RSPH3: variants seen among roughly 807,000 people sequenced by gnomAD.
RSPH3 encodes the protein radial spoke head protein 3 homolog.
A neutral mutation model predicts 43.8 loss-of-function variants in RSPH3; 21 were observed. The ratio of observed to expected loss-of-function variants is 0.48; its 90% CI spans 0.34 to 0.69. The LOEUF (loss-of-function observed/expected upper bound fraction) is 0.69, where lower values mean the gene tolerates loss of function less well. Ranked by LOEUF, RSPH3 falls within the 30% of genes least tolerant of loss-of-function variation. RSPH3 has a pLI of 0.01. For missense variants in RSPH3, 487 were observed against 516.0 expected (o/e 0.94, Z 0.54); for synonymous variants, 173 against 179.8 (o/e 0.96, Z 0.30).
intron 2 of RSPH3, among the ~76,000 whole-genome samples, chr6:158,986,790 A>G (rs1372068661): frequency 6.6e-6 from 1 of 152,016 alleles, no homozygotes; most frequent in Non-Finnish European, 1.5e-5. Context: ...CTTATTATTG[A>G]TTTCTAGTTT....
intron 3 of RSPH3, among the ~76,000 whole-genome samples, chr6:158,984,474 A>ATATATATATATATATATT: frequency 8.1e-6 from 1 of 123,042 alleles, no homozygotes; most frequent in African/African-American, 3.1e-5. Context: ...ATATATATAT[A>ATATATATATATATATATT]TTTGAGTCCT....
the RSPH3 span, among the ~76,000 whole-genome samples, chr6:158,967,597 T>C: frequency 0.11 from 17,272 of 152,208 alleles, 1,715 homozygotes; most frequent in East Asian, 0.41. Context: ...ATGTCTAAGA[T>C]TAATTAGTTT....
chr6:158,999,778 C>G lies in RSPH3; in HGVS notation c.-228G>C. The G allele has an allele frequency of 6.2e-7, 1 of 1,611,672 alleles. No individual in the cohort carries two copies. The highest frequency in any genetic ancestry group is 1.7e-4 in the Middle Eastern group (1 of 6,056). ...CCACAGAGACCAGCTGCGGGGGCCGCATCGGTTGCCCAGCAACCCAGGGTT... is the reference window on the plus strand; with the variant it reads ...CCACAGAGACCAGCTGCGGGGGCCGGATCGGTTGCCCAGCAACCCAGGGTT... On this transcript the variant is annotated 5_prime_UTR_variant, in exon 1 of 8. An upstream start codon of the reference 5' UTR is lost. Transcript: ENST00000367069.
the RSPH3 span, among the ~76,000 whole-genome samples, chr6:158,963,191 A>G: frequency 1.3e-5 from 2 of 152,290 alleles, no homozygotes; most frequent in East Asian, 3.9e-4. Flanking sequence ...AATTACAAAC[A>G]TATACATAAA....
At chr6:158,968,744 G>T (rs1377342943), downstream of RSPH3, among the ~76,000 whole-genome samples, 1 of 151,558 alleles carries the variant, frequency 6.6e-6, no homozygotes, top group Non-Finnish European at 1.5e-5. Flanking sequence ...ACAGAGTCTT[G>T]CTTTGTCACT....
At chr6:158,978,581 C>T (rs1046176681) in intron 6 of RSPH3, among the ~76,000 whole-genome samples, 3 of 152,018 alleles carry the variant, frequency 2.0e-5, no homozygotes, top group African/African-American at 7.3e-5. Context: ...TACTCTGTTG[C>T]CCAGGCTGGA....
At position 158,975,342 on chromosome 6, in the gene RSPH3, C is replaced by T. The variant is rs781770288; in HGVS notation, c.*2196G>A. 2 of 152,050 alleles carry T rather than the reference C, an allele frequency of 1.3e-5. No homozygotes were observed. Among genetic ancestry groups the T allele is most frequent in the African/African-American group, 2.4e-5 (1 of 41,406 alleles). The allele number at this position is 152,050 out of a possible 1,614,324, so 9.4% of individuals were successfully genotyped here. On this transcript the variant is annotated 3_prime_UTR_variant, in exon 8 of 8. Coordinates refer to ENST00000367069, the MANE Select transcript of RSPH3 (RefSeq NM_031924.8). Reference sequence around the variant, plus strand: ...AGGCGTGATTCCAATTTTTAAAATGCTATTAGTGCAATAATTTATTTTAAA... The same window carrying T: ...AGGCGTGATTCCAATTTTTAAAATGTTATTAGTGCAATAATTTATTTTAAA...
At chr6:158,992,574 G>A (rs1554290698) in intron 2 of RSPH3, among the ~76,000 whole-genome samples, 1 of 151,850 alleles carries the variant, frequency 6.6e-6, no homozygotes, top group Non-Finnish European at 1.5e-5. Context: ...GATTACAGGC[G>A]TGAGCCACCA....
At position 158,974,989 on chromosome 6, in the gene RSPH3, C is replaced by G. The variant is rs751707378; in HGVS notation, c.*2549G>C. 2.0e-5 allele frequency: 3 copies of G among 151,976 alleles called. No individual in the cohort carries two copies. The highest frequency in any genetic ancestry group is 2.0e-4 in the Admixed American group (3 of 15,238). The allele number at this position is 151,976 out of a possible 1,614,324, so 9.4% of individuals were successfully genotyped here. ...CTGAGTAGCTGGGACTACAGGTGCC[C>G]GCCACCACGCCTGACTAATTTTTGT... On this transcript the variant is annotated 3_prime_UTR_variant, in exon 8 of 8. Transcript: ENST00000367069.
At chr6:158,999,375 A>G in intron 1 of RSPH3, 60 bp downstream of exon 1, 1 of 1,433,398 alleles carries the variant, frequency 7.0e-7, no homozygotes, top group Non-Finnish European at 9.2e-7. Context: ...AAGGGGCCAG[A>G]CCCCGGCCTG....
In RSPH3 at chr6:158,993,825, C is replaced by G. The variant is rs369212879; in HGVS notation, c.204+14G>C. Reference sequence around the variant, plus strand: ...TGTGAGAACACGGTGTTAGACTATTCAAACTGAACTTACCAGTGGCCCTGT... The same window carrying G: ...TGTGAGAACACGGTGTTAGACTATTGAAACTGAACTTACCAGTGGCCCTGT... On this transcript the variant is annotated intron_variant, in intron 2 of 7. Transcript: ENST00000367069. 1 of 1,496,102 alleles carries G rather than the reference C, an allele frequency of 6.7e-7. No homozygotes were observed. The highest frequency in any genetic ancestry group is 9.3e-7 in the Non-Finnish European group (1 of 1,073,752). 92.7% of individuals were successfully genotyped at this position (1,496,102 alleles called of 1,614,324 possible). A position where few individuals can be genotyped will look rare whatever the true frequency, so the allele number is the denominator to read the frequency against.
Position 158,999,832 on chromosome 6 carries a change from T to G in RSPH3, c.-282A>C. ...TCTGGGGGCGGGAACTCCGGGCAGT[T>G]CCGGTCCCCAGGTTTCCCGGGAAGG... On this transcript the variant is annotated 5_prime_UTR_variant, in exon 1 of 8. Transcript: ENST00000367069. The G allele has an allele frequency of 6.2e-7, 1 of 1,613,682 alleles. No individual in the cohort carries two copies. Among genetic ancestry groups the G allele is most frequent in the Non-Finnish European group, 8.5e-7 (1 of 1,179,872 alleles).
intron 1 of RSPH3, among the ~76,000 whole-genome samples, chr6:158,998,217 C>T (rs564523350): frequency 2.1e-5 from 3 of 142,628 alleles, no homozygotes; most frequent in East Asian, 2.0e-4. Context: ...TTTGGGAGGC[C>T]GAGGCGGGCG....
intron 2 of RSPH3, among the ~76,000 whole-genome samples, chr6:158,991,299 G>A (rs900648339): frequency 1.6e-4 from 25 of 152,104 alleles, no homozygotes; most frequent in African/African-American, 5.8e-4. Flanking sequence ...TGGCTATTTT[G>A]GGTATTATAT....
chr6:158,997,150 T>C (rs1346626302), intron 1 of RSPH3, among the ~76,000 whole-genome samples: 2 of 152,166 alleles, frequency 1.3e-5, no homozygotes, highest in Admixed American at 6.5e-5. Context: ...GCCAGCACCA[T>C]GCTCTTGTAC....
chr6:158,998,297 C>CAAAAAAAA (rs71297000), intron 1 of RSPH3, among the ~76,000 whole-genome samples: 167 of 53,900 alleles, frequency 3.1e-3, no homozygotes, highest in African/African-American at 6.9e-3. Context: ...TAAAAAAATA[C>CAAAAAAAA]AAAAAAAAAA....
In RSPH3 at chr6:158,976,576, T is replaced by C. The variant is rs1777846291; in HGVS notation, c.*962A>G. On this transcript the variant is annotated 3_prime_UTR_variant, in exon 8 of 8. Transcript: ENST00000367069. ...ATACCTCAAAAAAGGCCTAGATAGC[T>C]CATACCTGATAACAGTGATCTACCT... is the stretch of plus-strand genomic sequence containing the variant. 6.6e-6 allele frequency: 1 copy of C among 152,206 alleles called. No individual in the cohort carries two copies. Among genetic ancestry groups the C allele is most frequent in the Non-Finnish European group, 1.5e-5 (1 of 68,036 alleles). The allele number at this position is 152,206 out of a possible 1,614,324, so 9.4% of individuals were successfully genotyped here.
chr6:158,965,021 G>A, the RSPH3 span, among the ~76,000 whole-genome samples: 2,707 of 152,070 alleles, frequency 0.018, 33 homozygotes, highest in Middle Eastern at 0.024. Flanking sequence ...TAGCATGTGG[G>A]TATCTAGTTG....
At chr6:158,968,131 C>T (rs773281203), downstream of RSPH3, among the ~76,000 whole-genome samples, 28 of 152,088 alleles carry the variant, frequency 1.8e-4, no homozygotes, top group Non-Finnish European at 3.5e-4. Flanking sequence ...TTTTACATGT[C>T]TTATGTATTT....
Sources: allele counts gnomAD v4.1 joint callset (sites outside exome capture counted in the v4.1 genomes callset), GRCh38; gene constraint gnomAD v4.1.1; transcripts MANE v1.5; gene names NCBI Gene and HGNC (gene_info 2026-07-23, HGNC 2026-07-21).